Variants in SLITRK1 observed in about 807,000 individuals in gnomAD.
SLITRK1 encodes SLIT and NTRK like family member 1, also known as SLIT and NTRK-like protein 1.
In SLITRK1, 10 loss-of-function variants were observed where a neutral mutation model predicts 42.4. That is an observed-to-expected ratio of 0.24 (90% CI 0.15 to 0.40). The LOEUF is 0.40. SLITRK1 is among the 10% of genes least tolerant of loss of function. The pLI is 1.00. For missense variants in SLITRK1, 778 were observed against 848.8 expected (o/e 0.92, Z 1.04); for synonymous variants, 389 against 365.7 (o/e 1.06, Z -0.73).
rs999034957 is a variant in SLITRK1, at chr13:83,877,806, A to G, written c.*1611T>C. ...GTCTTTCATTGAGGAGTGCTGACCA[A>G]TGAAATCTCCACTCTGTTTAATGAG... On this transcript the variant is annotated 3_prime_UTR_variant, in exon 2 of 2. Transcript: ENST00000674365. 3.3e-5 allele frequency: 5 copies of G among 152,508 alleles called. No homozygotes were observed. Among genetic ancestry groups the G allele is most frequent in the African/African-American group, 4.8e-5 (2 of 41,400 alleles). The allele number at this position is 152,508 out of a possible 1,614,324, so 9.4% of individuals were successfully genotyped here. A position where few individuals can be genotyped will look rare whatever the true frequency, so the allele number is the denominator to read the frequency against.
Position 83,880,370 on chromosome 13 carries a change from G to T in SLITRK1, c.1138C>A (p.Leu380Ile), listed in dbSNP as rs201016092. 28 of 1,613,850 alleles carry T rather than the reference G, an allele frequency of 1.7e-5. No individual in the cohort carries two copies. Among genetic ancestry groups the T allele is most frequent in the Non-Finnish European group, 1.9e-5 (22 of 1,180,014 alleles). ...TGGATCTTGTTATCTCGTAGGAAAA[G>T]CTCCTGCACGTTAGAGAGCTTGGGC... ...LKPKLSNVQE[L>I]FLRDNKIHSI... Residue 380 changes from leucine (L) to isoleucine (I), a missense_variant, in exon 2 of 2, where the codon CTT becomes ATT. By Grantham distance (5) the Leu-to-Ile change is conservative. Coordinates refer to ENST00000674365, the MANE Select transcript of SLITRK1 (RefSeq NM_001281503.2).
Position 83,880,584 on chromosome 13 carries a change from A to G in SLITRK1, c.924T>C (p.Gly308=). Residue 308 remains glycine (G), a synonymous_variant, in exon 2 of 2, where the codon GGT becomes GGC. Transcript: ENST00000674365. ...HATPGSAPNG[G]TKIPGNWQIK... ...TCTGCCAGTTGCCTGGGATCTTTGT[A>G]CCTCCGTTTGGAGCAGACCCTGGTG... The G allele has an allele frequency of 1.9e-6, 3 of 1,613,710 alleles. No homozygotes were observed. The highest frequency in any genetic ancestry group is 2.5e-6 in the Non-Finnish European group (3 of 1,179,960).
At position 83,880,498 on chromosome 13, in the gene SLITRK1, T is replaced by C. The variant is rs1430285050; in HGVS notation, c.1010A>G (p.Asn337Ser). ...TGSSRNKPLANSLPCPGGCSC... is the reference protein window; with the variant it reads ...TGSSRNKPLASSLPCPGGCSC... Reference sequence around the variant, plus strand: ...GCAGCCCCCAGGGCAGGGTAAACTGTTAGCTAAGGGTTTGTTCCTGGAGCT... The same window carrying C: ...GCAGCCCCCAGGGCAGGGTAAACTGCTAGCTAAGGGTTTGTTCCTGGAGCT... The change falls in exon 2 of 2, where the codon AAC becomes AGC. Residue 337 changes from asparagine (N) to serine (S), a missense_variant. Coordinates refer to ENST00000674365, the MANE Select transcript of SLITRK1 (RefSeq NM_001281503.2). 1.2e-6 allele frequency: 2 copies of C among 1,614,050 alleles called. No individual in the cohort carries two copies. Among genetic ancestry groups the C allele is most frequent in the Admixed American group, 3.3e-5 (2 of 60,020 alleles).
rs942180014 is a variant in SLITRK1, at chr13:83,879,178, C to G, written c.*239G>C. 1.8e-6 allele frequency: 1 copy of G among 552,466 alleles called. No individual in the cohort carries two copies. Among genetic ancestry groups the G allele is most frequent in the Non-Finnish European group, 3.2e-6 (1 of 308,224 alleles). The allele number at this position is 552,466 out of a possible 1,614,324, so 34.2% of individuals were successfully genotyped here. A position where few individuals can be genotyped will look rare whatever the true frequency, so the allele number is the denominator to read the frequency against. ...GCTTTCTGTCAAAAGGGGCTCTCAG[C>G]AAAGAGCGAGCTGGCTGCGCTCTCC... On this transcript the variant is annotated 3_prime_UTR_variant, in exon 2 of 2. Transcript: ENST00000674365.
chr13:83,879,912 C>G lies in SLITRK1; in HGVS notation c.1596G>C (p.Glu532Asp), dbSNP rs1052245478. The change falls in exon 2 of 2, where the codon GAG becomes GAC. Residue 532 changes from glutamate to aspartate, a missense_variant. Physicochemically the swap from Glu to Asp is conservative, Grantham distance 45. Coordinates refer to ENST00000674365, the MANE Select transcript of SLITRK1 (RefSeq NM_001281503.2). ...TGAAAGGCACAATTGTGCAGGAGCA[C>G]TCCCAGGGGTTTCCGTGGAGGTCTA... ...IQIDLHGNPW[E>D]CSCTIVPFKQ... is the part of the protein sequence containing the mutation. The G allele has an allele frequency of 2.5e-6, 4 of 1,614,016 alleles. No homozygotes were observed. Among genetic ancestry groups the G allele is most frequent in the Middle Eastern group, 1.6e-4 (1 of 6,084 alleles).
In SLITRK1 at chr13:83,879,224, T is replaced by C; in HGVS notation, c.*193A>G. 1.5e-6 allele frequency: 1 copy of C among 663,890 alleles called. No homozygotes were observed. The highest frequency in any genetic ancestry group is 2.6e-5 in the Admixed American group (1 of 38,436). 41.1% of individuals were successfully genotyped at this position (663,890 alleles called of 1,614,324 possible). ...TCTCCCAGCTCTCCACAGTCTGCTC[T>C]TTGTTTCAAGGAGGGAGCTAAGTAA... On this transcript the variant is annotated 3_prime_UTR_variant, in exon 2 of 2. Transcript: ENST00000674365.
Position 83,880,176 on chromosome 13 carries a change from C to T in SLITRK1, c.1332G>A (p.Ala444=), listed in dbSNP as rs1250656479. 17 of 1,613,994 alleles carry T rather than the reference C, an allele frequency of 1.1e-5. No individual in the cohort carries two copies. The highest frequency in any genetic ancestry group is 1.4e-5 in the Non-Finnish European group (16 of 1,180,000). ...TCAGGTACTCTAGGTTTTGCAGCCC[C>T]GCGAATTTCTCCCGGGACAGCGTGT... ...YLDTLSREKF[A]GLQNLEYLNV... is the part of the protein sequence containing the mutation. Residue 444 remains alanine, a synonymous_variant, in exon 2 of 2, where the codon GCG becomes GCA. Coordinates refer to ENST00000674365, the MANE Select transcript of SLITRK1 (RefSeq NM_001281503.2).
Position 83,881,088 on chromosome 13 carries a change from A to C in SLITRK1, c.420T>G (p.Asn140Lys). ...CCCCCGGGTCTATATCTCGTAATAA[A>C]TTAAAATCAGCCTGGAGATATTCCA... ...DDLEYLQADFNLLRDIDPGAF... is the reference protein window; with the variant it reads ...DDLEYLQADFKLLRDIDPGAF... Residue 140 changes from asparagine (N) to lysine (K), a missense_variant, in exon 2 of 2, where the codon AAT (asparagine) becomes AAG (lysine). Around this residue, in one of 4 missense-constraint regions of SLITRK1, gnomAD observed 204 missense variants for 295.3 expected, o/e 0.69. Coordinates refer to ENST00000674365, the MANE Select transcript of SLITRK1 (RefSeq NM_001281503.2). 1 of 1,614,046 alleles carries C rather than the reference A, an allele frequency of 6.2e-7. No individual in the cohort carries two copies.
At position 83,880,877 on chromosome 13, in the gene SLITRK1, C is replaced by T; in HGVS notation, c.631G>A (p.Asp211Asn). 6.2e-7 allele frequency: 1 copy of T among 1,614,110 alleles called. No individual in the cohort carries two copies. The highest frequency in any genetic ancestry group is 8.5e-7 in the Non-Finnish European group (1 of 1,180,028). ...IPGIAEILLEDNPWDCTCDLL... is the reference protein window; with the variant it reads ...IPGIAEILLENNPWDCTCDLL... ...TCACAGGTGCAGTCCCAAGGGTTAT[C>T]CTCTAGCAGGATCTCCGCAATACCA... Residue 211 changes from aspartate to asparagine, a missense_variant, in exon 2 of 2, where the codon GAT becomes AAT. Around this residue, in one of 4 missense-constraint regions of SLITRK1, gnomAD observed 204 missense variants for 295.3 expected, o/e 0.69. Transcript: ENST00000674365.
Position 83,881,398 on chromosome 13 carries a change from T to C in SLITRK1, c.110A>G (p.Asp37Gly), listed in dbSNP as rs779435589. The C allele has an allele frequency of 1.2e-6, 2 of 1,613,854 alleles. No individual in the cohort carries two copies. The highest frequency in any genetic ancestry group is 2.2e-5 in the East Asian group (1 of 44,864). Residue 37 changes from aspartate (D) to glycine (G), a missense_variant, in exon 2 of 2, where the codon GAC becomes GGC. Physicochemically the swap from Asp to Gly is moderately conservative, Grantham distance 94. Around this residue, in one of 4 missense-constraint regions of SLITRK1, gnomAD observed 204 missense variants for 295.3 expected, o/e 0.69. Transcript: ENST00000674365. ...CTTTTTTTCACAGTCTACGTGTAGG[T>C]CCCCTTCTATCTCATTGCAGGAACA... ...KICSCNEIEG[D>G]LHVDCEKKGF...
In SLITRK1 at chr13:83,879,166, A is replaced by G; in HGVS notation, c.*251T>C. 1 of 523,668 alleles carries G rather than the reference A, an allele frequency of 1.9e-6. No individual in the cohort carries two copies. The highest frequency in any genetic ancestry group is 3.5e-6 in the Non-Finnish European group (1 of 288,586). The allele number at this position is 523,668 out of a possible 1,614,324, so 32.4% of individuals were successfully genotyped here. ...GGGTCGTGCTGGGCTTTCTGTCAAA[A>G]GGGGCTCTCAGCAAAGAGCGAGCTG... On this transcript the variant is annotated 3_prime_UTR_variant, in exon 2 of 2. Transcript: ENST00000674365.
Position 83,881,341 on chromosome 13 carries a change from G to A in SLITRK1, c.167C>T (p.Pro56Leu), listed in dbSNP as rs765288417. The A allele has an allele frequency of 1.9e-6, 3 of 1,614,102 alleles. No homozygotes were observed. Among genetic ancestry groups the A allele is most frequent in the Non-Finnish European group, 2.5e-6 (3 of 1,180,022 alleles). The change falls in exon 2 of 2, where the codon CCG (proline) becomes CTG (leucine). Residue 56 changes from proline (P) to leucine (L), a missense_variant. This residue lies in a region of SLITRK1 where 204 missense variants were observed against 295.3 expected (regional missense o/e 0.69). Coordinates refer to ENST00000674365, the MANE Select transcript of SLITRK1 (RefSeq NM_001281503.2). ...AAATAAATGGTAAAACTGGGAAGTC[G>A]GGGCAGTGAAACGCTGCAGACTTGT... ...GFTSLQRFTA[P>L]TSQFYHLFLH...
At position 83,879,608 on chromosome 13, in the gene SLITRK1, T is replaced by C. The variant is rs1282340632; in HGVS notation, c.1900A>G (p.Thr634Ala). ...LLLVFVTSAF[T>A]VVGMLVFILR... The stretch of plus-strand genomic sequence containing the variant: ...ATAAACACGAGCATGCCCACCACGG[T>C]GAAGGCGGAGGTGACAAACACCAGC... Residue 634 changes from threonine (T) to alanine (A), a missense_variant, in exon 2 of 2, where the codon ACC (threonine) becomes GCC (alanine). This residue lies in a region of SLITRK1 where 164 missense variants were observed against 158.2 expected (regional missense o/e 1.04). Coordinates refer to ENST00000674365, the MANE Select transcript of SLITRK1 (RefSeq NM_001281503.2). 1 of 1,613,998 alleles carries C rather than the reference T, an allele frequency of 6.2e-7. No individual in the cohort carries two copies. Among genetic ancestry groups the C allele is most frequent in the East Asian group, 2.2e-5 (1 of 44,866 alleles).
In SLITRK1 at chr13:83,880,746, T is replaced by A; in HGVS notation, c.762A>T (p.Glu254Asp). ...PTRLQGKDLNETTEQDLCPLK... is the reference protein window; with the variant it reads ...PTRLQGKDLNDTTEQDLCPLK... ...AAGGACACAAGTCCTGTTCGGTGGT[T>A]TCATTGAGGTCTTTACCCTGCAGTC... Residue 254 changes from glutamate to aspartate, a missense_variant, in exon 2 of 2, where the codon GAA becomes GAT. Around this residue, in one of 4 missense-constraint regions of SLITRK1, gnomAD observed 395 missense variants for 360.4 expected, o/e 1.10. Transcript: ENST00000674365. 1 of 1,614,006 alleles carries A rather than the reference T, an allele frequency of 6.2e-7. No homozygotes were observed. Among genetic ancestry groups the A allele is most frequent in the African/African-American group, 1.3e-5 (1 of 74,986 alleles).
chr13:83,880,890 C>T lies in SLITRK1; in HGVS notation c.618G>A (p.Glu206=), dbSNP rs1216228073. The change falls in exon 2 of 2, where the codon GAG becomes GAA. Residue 206 remains glutamate, a synonymous_variant. Coordinates refer to ENST00000674365, the MANE Select transcript of SLITRK1 (RefSeq NM_001281503.2). The part of the protein sequence containing the change: ...EVLEQIPGIA[E]ILLEDNPWDC... ...CCCAAGGGTTATCCTCTAGCAGGAT[C>T]TCCGCAATACCAGGGATTTGCTCCA... 7 of 1,614,094 alleles carry T rather than the reference C, an allele frequency of 4.3e-6. No individual in the cohort carries two copies. Among genetic ancestry groups the T allele is most frequent in the Non-Finnish European group, 1.7e-6 (2 of 1,180,018 alleles).
Position 83,881,576 on chromosome 13 carries a change from A to T in SLITRK1, c.-53-16T>A. The T allele has an allele frequency of 6.4e-7, 1 of 1,568,420 alleles. No homozygotes were observed. On this transcript the variant is annotated splice_polypyrimidine_tract_variant and intron_variant, in intron 1 of 1. Transcript: ENST00000674365. Reference sequence around the variant, plus strand: ...AGCGACCATCCTGCTCGCCACAGACACAATTCAAGTTCATTTAGTGCTCCA... The same window carrying T: ...AGCGACCATCCTGCTCGCCACAGACTCAATTCAAGTTCATTTAGTGCTCCA...
rs746196829 is a variant in SLITRK1, at chr13:83,880,338, G to T, written c.1170C>A (p.Ile390=). 8 of 1,613,846 alleles carry T rather than the reference G, an allele frequency of 5.0e-6. No homozygotes were observed. Among genetic ancestry groups the T allele is most frequent in the Admixed American group, 1.7e-5 (1 of 59,980 alleles). Residue 390 remains isoleucine (I), a synonymous_variant, in exon 2 of 2, where the codon ATC becomes ATA. Coordinates refer to ENST00000674365, the MANE Select transcript of SLITRK1 (RefSeq NM_001281503.2). ...TGTAATCCACAAAGTGCGATTTTCG[G>T]ATGCTGTGGATCTTGTTATCTCGTA... ...LFLRDNKIHS[I]RKSHFVDYKN...
At position 83,880,114 on chromosome 13, in the gene SLITRK1, C is replaced by G; in HGVS notation, c.1394G>C (p.Gly465Ala). 1 of 1,613,934 alleles carries G rather than the reference C, an allele frequency of 6.2e-7. No homozygotes were observed. The highest frequency in any genetic ancestry group is 8.5e-7 in the Non-Finnish European group (1 of 1,179,970). Residue 465 changes from glycine (G) to alanine (A), a missense_variant, in exon 2 of 2, where the codon GGC becomes GCC. This residue lies in a region of SLITRK1 where 395 missense variants were observed against 360.4 expected (regional missense o/e 1.10). Transcript: ENST00000674365. Reference sequence around the variant, plus strand: ...CAGTTTGGGCATGGCATTGAAAGTGCCCGGGAGGATGAGCTGGATAGCGTT... The same window carrying G: ...CAGTTTGGGCATGGCATTGAAAGTGGCCGGGAGGATGAGCTGGATAGCGTT... ...EYNAIQLILP[G>A]TFNAMPKLRI...
Position 83,879,489 on chromosome 13 carries a change from C to T in SLITRK1, c.2019G>A (p.Trp673Ter). ...CATCTGCGTTGTAAGGCCCATTGTGCCAGTAGGAAGAGTCACAGACTGTCT... is the reference window on the plus strand; with the variant it reads ...CATCTGCGTTGTAAGGCCCATTGTGTCAGTAGGAAGAGTCACAGACTGTCT... ...SLQTVCDSSY[W>*]HNGPYNADGA... The change falls in exon 2 of 2, where the codon TGG becomes TGA. Residue 673 changes from tryptophan (W) to a stop codon, truncating the protein, a stop_gained. Transcript: ENST00000674365. LOFTEE classifies it high-confidence loss of function. 1 of 1,614,018 alleles carries T rather than the reference C, an allele frequency of 6.2e-7. No individual in the cohort carries two copies. Among genetic ancestry groups the T allele is most frequent in the Non-Finnish European group, 8.5e-7 (1 of 1,180,012 alleles).
Sources: gnomAD v4.1 joint callset for allele counts on GRCh38, gnomAD v4.1.1 for gene constraint, gnomAD v4.1.1 regional missense constraint, MANE v1.5 for transcripts, NCBI Gene and HGNC (gene_info 2026-07-23, HGNC 2026-07-21) for gene names.